DOCK5: variants seen among roughly 807,000 people sequenced by gnomAD.
DOCK5 encodes the protein dedicator of cytokinesis 5.
Under a neutral mutation model 251.8 loss-of-function variants are expected in DOCK5, and 142 were observed. The observed-to-expected ratio is 0.56, with a 90% CI of 0.49 to 0.65. The LOEUF (loss-of-function observed/expected upper bound fraction) is 0.65, where lower values mean the gene tolerates loss of function less well. Ranked by LOEUF, DOCK5 falls within the 30% of genes least tolerant of loss-of-function variation. DOCK5 has a pLI of 0.00. For synonymous variants in DOCK5, 842 were observed against 835.5 expected, an observed-to-expected ratio of 1.01 and a Z score of -0.13; for missense variants, 2,111 against 2,312.3, an observed-to-expected ratio of 0.91 and a Z score of 1.79.
intron 39 of DOCK5, among the ~76,000 whole-genome samples, chr8:25,381,263 T>C (rs1158669029): frequency 1.3e-5 from 2 of 152,234 alleles, no homozygotes; most frequent in Non-Finnish European, 2.9e-5. Flanking sequence ...TCAAGATCAC[T>C]TTGTAAAAAG....
chr8:25,285,036 G>A (rs2941596), intron 5 of DOCK5, among the ~76,000 whole-genome samples: 101,022 of 152,164 alleles, frequency 0.66, 36,819 homozygotes, highest in Non-Finnish European at 0.83. Flanking sequence ...TGTTTTGTTC[G>A]TGTAACTTTG....
intron 26 of DOCK5, 149 bp from the exon 27 acceptor site, chr8:25,351,582 G>GT: frequency 1.6e-6 from 1 of 607,674 alleles, no homozygotes; most frequent in Non-Finnish European, 2.9e-6. Flanking sequence ...ATATTATTCT[G>GT]TGAGACCATT....
chr8:25,240,035 G>C (rs1035941148), intron 1 of DOCK5, among the ~76,000 whole-genome samples: 1 of 152,074 alleles, frequency 6.6e-6, no homozygotes, highest in African/African-American at 2.4e-5. Flanking sequence ...GGGAAGAGCC[G>C]GGAAGACCCA....
At chr8:25,215,611 A>T (rs533203622) in intron 1 of DOCK5, among the ~76,000 whole-genome samples, 137 of 152,102 alleles carry the variant, frequency 9.0e-4, no homozygotes, top group African/African-American at 3.2e-3. Flanking sequence ...CAGGAGAGCA[A>T]TTTGCAACCT....
At chr8:25,374,824 A>G (rs1800936439) in intron 37 of DOCK5, 170 bp downstream of exon 37, 1 of 1,484,818 alleles carries the variant, frequency 6.7e-7, no homozygotes, top group Non-Finnish European at 8.9e-7. Flanking sequence ...TAGATCAAGT[A>G]TGGGAAAATG....
chr8:25,361,562 C>T (rs969732817), intron 28 of DOCK5, among the ~76,000 whole-genome samples: 8 of 152,074 alleles, frequency 5.3e-5, no homozygotes, highest in African/African-American at 1.2e-4. Flanking sequence ...TGCAGTAAGT[C>T]GAGATTGTGC....
chr8:25,408,718 C>A, intron 49 of DOCK5, 84 bp from the exon 50 acceptor site: 1 of 1,532,684 alleles, frequency 6.5e-7, no homozygotes, highest in South Asian at 1.2e-5. Flanking sequence ...CAAGTGTCTT[C>A]TCAGAAGACA....
intron 2 of DOCK5, among the ~76,000 whole-genome samples, chr8:25,261,551 G>A (rs1161230943): frequency 6.6e-6 from 1 of 152,112 alleles, no homozygotes; most frequent in East Asian, 1.9e-4. Context: ...TTACTTTGAG[G>A]TGGTTACTTT....
At chr8:25,199,314 C>G (rs1801820457) in intron 1 of DOCK5, among the ~76,000 whole-genome samples, 1 of 149,052 alleles carries the variant, frequency 6.7e-6, no homozygotes, top group South Asian at 2.1e-4. Context: ...ATGTCATCTT[C>G]TGAAGACTTA....
chr8:25,316,639 A>G (rs1563199525), intron 13 of DOCK5, among the ~76,000 whole-genome samples: 1 of 152,174 alleles, frequency 6.6e-6, no homozygotes, highest in Non-Finnish European at 1.5e-5. Flanking sequence ...CTCAATAGAC[A>G]ATTGCCTTCA....
At chr8:25,297,539 C>G (rs991175330) in intron 7 of DOCK5, among the ~76,000 whole-genome samples, 1 of 152,094 alleles carries the variant, frequency 6.6e-6, no homozygotes, top group African/African-American at 2.4e-5. Context: ...CAGGCGTGAG[C>G]CACCAAGCCT....
At chr8:25,330,431 A>C (rs932105502) in intron 18 of DOCK5, among the ~76,000 whole-genome samples, 1 of 152,208 alleles carries the variant, frequency 6.6e-6, no homozygotes, top group Non-Finnish European at 1.5e-5. Context: ...CATCTTACCA[A>C]ATACATAGTA....
At chr8:25,360,652 G>C (rs924255944) in intron 28 of DOCK5, among the ~76,000 whole-genome samples, 2 of 152,162 alleles carry the variant, frequency 1.3e-5, no homozygotes, top group African/African-American at 4.8e-5. Flanking sequence ...GTGTTGCTTG[G>C]CTCCATGCAT....
chr8:25,313,242 G>A (rs1805149756), intron 13 of DOCK5, among the ~76,000 whole-genome samples: 1 of 152,060 alleles, frequency 6.6e-6, no homozygotes, highest in African/African-American at 2.4e-5. Flanking sequence ...AGCATCGCAG[G>A]AGTGATTCTG....
At chr8:25,375,013 C>A in intron 37 of DOCK5, 1 of 1,100,732 alleles carries the variant, frequency 9.1e-7, no homozygotes, top group Non-Finnish European at 1.1e-6. Context: ...TAGAAGTACT[C>A]TATTTTTATT....
At chr8:25,311,643 C>T (rs1040494577) in intron 13 of DOCK5, among the ~76,000 whole-genome samples, 2 of 151,820 alleles carry the variant, frequency 1.3e-5, no homozygotes, top group Non-Finnish European at 2.9e-5. Context: ...TATTTTAGGC[C>T]AGGCATGGTG....
At chr8:25,313,828 C>T (rs1255989398) in intron 13 of DOCK5, among the ~76,000 whole-genome samples, 1 of 152,130 alleles carries the variant, frequency 6.6e-6, no homozygotes, top group African/African-American at 2.4e-5. Context: ...CCTATATGAC[C>T]TCATTTTACC....
At chr8:25,192,754 C>T (rs1342545301) in intron 1 of DOCK5, among the ~76,000 whole-genome samples, 1 of 152,218 alleles carries the variant, frequency 6.6e-6, no homozygotes, top group African/African-American at 2.4e-5. Context: ...TGAAGCAGTC[C>T]TCCTGTCTTG....
chr8:25,399,842 C>G, intron 45 of DOCK5, 69 bp from the exon 46 acceptor site: 1 of 1,237,104 alleles, frequency 8.1e-7, no homozygotes, highest in South Asian at 1.3e-5. Context: ...ACACATGTTT[C>G]ACCCTTCCAG....
Sources: allele counts gnomAD v4.1 joint callset (sites outside exome capture counted in the v4.1 genomes callset), GRCh38; gene constraint gnomAD v4.1.1; transcripts MANE v1.5; gene names NCBI Gene and HGNC (gene_info 2026-07-23, HGNC 2026-07-21).